DCDC1: variants seen among roughly 807,000 people sequenced by gnomAD.
The protein encoded by DCDC1 is doublecortin domain-containing protein 1.
A neutral mutation model predicts 178.3 loss-of-function variants in DCDC1; 200 were observed. The ratio of observed to expected loss-of-function variants is 1.12; its 90% CI spans 1.00 to 1.26. The LOEUF (loss-of-function observed/expected upper bound fraction) is 1.26. Among genes scored for constraint, DCDC1 ranks in the 50% most tolerant of loss-of-function variants. The pLI is 0.00. For synonymous variants in DCDC1, 690 were observed against 604.8 expected, an observed-to-expected ratio of 1.14 and a Z score of -2.07; for missense variants, 1,983 against 1,749.2, an observed-to-expected ratio of 1.13 and a Z score of -2.38.
In DCDC1 at chr11:31,102,207, C is replaced by A; in HGVS notation, c.1953G>T (p.Val651=). 1 of 730,254 alleles carries A rather than the reference C, an allele frequency of 1.4e-6. No individual in the cohort carries two copies. The highest frequency in any genetic ancestry group is 2.5e-6 in the Non-Finnish European group (1 of 396,120). 45.2% of individuals were successfully genotyped at this position (730,254 alleles called of 1,614,324 possible). The stretch of plus-strand genomic sequence containing the variant: ...TCTGTAGAAAATGGTTCTCCAAGTC[C>A]ACCTTTTCAAACTGGTCAGGTATCT... ...SQQIPDQFEK[V]DLENHFLQNK... Residue 651 remains valine (V), a synonymous_variant, in exon 15 of 39, where the codon GTG becomes GTT. Transcript: ENST00000684477.
intron 9 of DCDC1, among the ~76,000 whole-genome samples, chr11:31,212,683 A>T (rs1432094648): frequency 6.6e-6 from 1 of 152,192 alleles, no homozygotes; most frequent in African/African-American, 2.4e-5. Flanking sequence ...CGGTATATTA[A>T]TTTATCTTTG....
At chr11:31,145,769 C>T (rs1424375639) in intron 9 of DCDC1, among the ~76,000 whole-genome samples, 6 of 152,124 alleles carry the variant, frequency 3.9e-5, no homozygotes, top group African/African-American at 9.7e-5. Flanking sequence ...AAACAACTTA[C>T]GATGTTTTAT....
At chr11:30,990,727 G>A (rs2134918645) in intron 20 of DCDC1, among the ~76,000 whole-genome samples, 1 of 152,252 alleles carries the variant, frequency 6.6e-6, no homozygotes, top group East Asian at 1.9e-4. Flanking sequence ...ACAATTCTAT[G>A]TTTGTTTTTT....
intron 9 of DCDC1, among the ~76,000 whole-genome samples, chr11:31,202,243 T>G (rs1236273478): frequency 6.6e-6 from 1 of 152,158 alleles, no homozygotes; most frequent in Non-Finnish European, 1.5e-5. Context: ...TCTCTTTTAA[T>G]TTTTTAAATG....
chr11:31,070,633 T>C (rs1956500303), intron 18 of DCDC1, among the ~76,000 whole-genome samples: 1 of 152,192 alleles, frequency 6.6e-6, no homozygotes, highest in Admixed American at 6.5e-5. Flanking sequence ...ACAGAGAAGT[T>C]TTCCCACTAA....
rs762504427 is a variant in DCDC1, at chr11:30,892,895, T to C, written c.5005A>G (p.Thr1669Ala). The C allele has an allele frequency of 1.9e-6, 3 of 1,613,964 alleles. No individual in the cohort carries two copies. Among genetic ancestry groups the C allele is most frequent in the Non-Finnish European group, 2.5e-6 (3 of 1,179,858 alleles). The change falls in exon 36 of 39, where the codon ACA (threonine) becomes GCA (alanine). Residue 1669 changes from threonine (T) to alanine (A), a missense_variant. By Grantham distance (58) the Thr-to-Ala change is moderately conservative (BLOSUM62 0). Transcript: ENST00000684477. ...TTTAGATAAATCCACACTCGTTTTG[T>C]GTTGGGCTGCTTATACAGGTTGCTC... ...KPSNLYKQPN[T>A]KRVWIYLNGG...
At chr11:31,365,926 T>G (rs1306466660) in intron 1 of DCDC1, among the ~76,000 whole-genome samples, 1 of 152,232 alleles carries the variant, frequency 6.6e-6, no homozygotes, top group African/African-American at 2.4e-5. Context: ...TCATTTGCTC[T>G]CTTTGGAAAT....
At chr11:30,901,999 A>T (rs1944711564) in intron 32 of DCDC1, among the ~76,000 whole-genome samples, 1 of 152,112 alleles carries the variant, frequency 6.6e-6, no homozygotes, top group South Asian at 2.1e-4. Context: ...ATTTATGAGG[A>T]CCAAATGAAT....
chr11:30,937,541 G>A (rs1947350852), intron 21 of DCDC1, among the ~76,000 whole-genome samples: 2 of 152,100 alleles, frequency 1.3e-5, no homozygotes, highest in Admixed American at 1.3e-4. Context: ...CCTTCCCTGT[G>A]TCGAAATCTA....
At chr11:31,161,426 T>G (rs1158503761) in intron 9 of DCDC1, among the ~76,000 whole-genome samples, 1 of 152,170 alleles carries the variant, frequency 6.6e-6, no homozygotes, top group African/African-American at 2.4e-5. Flanking sequence ...CACCTTTTAG[T>G]TGGCTGCTGA....
intron 37 of DCDC1, among the ~76,000 whole-genome samples, chr11:30,880,323 C>G (rs901455100): frequency 6.6e-6 from 1 of 152,106 alleles, no homozygotes. Context: ...GCTAGGCATC[C>G]TAATAAATCC....
intron 7 of DCDC1, among the ~76,000 whole-genome samples, chr11:31,273,389 A>C (rs1346614159): frequency 6.6e-6 from 1 of 152,154 alleles, no homozygotes; most frequent in African/African-American, 2.4e-5. Context: ...GATACCCTAA[A>C]TCATCTCTCT....
chr11:30,929,829 G>A (rs1228433680), intron 22 of DCDC1, among the ~76,000 whole-genome samples: 1 of 151,812 alleles, frequency 6.6e-6, no homozygotes, highest in Non-Finnish European at 1.5e-5. Flanking sequence ...ATATAAACTC[G>A]ACAGTCACTA....
intron 11 of DCDC1, among the ~76,000 whole-genome samples, chr11:31,123,621 C>A (rs1440666887): frequency 6.6e-6 from 1 of 151,444 alleles, no homozygotes; most frequent in Non-Finnish European, 1.5e-5. Context: ...GGGCTGATAT[C>A]CAGGTTTCTT....
chr11:31,161,339 T>G (rs2136166184), intron 9 of DCDC1, among the ~76,000 whole-genome samples: 1 of 152,330 alleles, frequency 6.6e-6, no homozygotes, highest in Middle Eastern at 3.4e-3. Context: ...CATCTCACTC[T>G]CTGACTTTTG....
intron 18 of DCDC1, among the ~76,000 whole-genome samples, chr11:31,066,895 T>C (rs1230474937): frequency 1.3e-5 from 2 of 152,116 alleles, no homozygotes; most frequent in Non-Finnish European, 2.9e-5. Context: ...GGTTCACCAG[T>C]TATAACAAAT....
rs59940255 is a variant in DCDC1 at position 30,884,033 on chromosome 11, A to ATTTTTTT, written c.5083-2732_5083-2726dup. Among the ~76,000 whole-genome samples the ATTTTTTT allele has an allele frequency of 2.4e-3, 226 of 95,760 alleles. 15 individuals carry two copies. In the East Asian group the frequency reaches 0.034, roughly 15 times the overall value. 62.8% of individuals were successfully genotyped at this position (95,760 alleles called of 152,430 possible). On this transcript the variant is annotated intron_variant, in intron 36 of 38. Transcript: ENST00000684477. The stretch of plus-strand genomic sequence containing the variant: ...AAAGAAAACCAAAGCATTCTTTCTC[A>ATTTTTTT]TTTTTTTTTTTTTTTGAGACAGGGT...
chr11:31,208,028 A>T lies in DCDC1; in HGVS notation c.1221+33422T>A, dbSNP rs770423383. Among the ~76,000 whole-genome samples, 114 of 152,246 alleles carry T rather than the reference A, an allele frequency of 7.5e-4. No homozygotes were observed. In the Middle Eastern group the frequency reaches 0.017, roughly 23 times the overall value. On this transcript the variant is annotated intron_variant, in intron 9 of 38. Coordinates refer to ENST00000684477, the MANE Select transcript of DCDC1 (RefSeq NM_001387274.1). ...TCCTTAGTTGATCCTTCTTTTACTCAGCCACTGGACATTGCAGAGTCTCAA... is the reference window on the plus strand; with the variant it reads ...TCCTTAGTTGATCCTTCTTTTACTCTGCCACTGGACATTGCAGAGTCTCAA...
chr11:31,066,488 C>A (rs1956256658), intron 18 of DCDC1, among the ~76,000 whole-genome samples: 1 of 152,076 alleles, frequency 6.6e-6, no homozygotes, highest in Admixed American at 6.6e-5. Context: ...TTCTAAAAAA[C>A]AAAAATTATG....
Sources: allele counts gnomAD v4.1 joint callset (sites outside exome capture counted in the v4.1 genomes callset), GRCh38; gene constraint gnomAD v4.1.1; transcripts MANE v1.5; gene names NCBI Gene and HGNC (gene_info 2026-07-23, HGNC 2026-07-21).